Variants in SLC37A1 observed in about 807,000 individuals in gnomAD.
The protein encoded by SLC37A1 is glucose-6-phosphate exchanger SLC37A1.
A neutral mutation model predicts 75.3 loss-of-function variants in SLC37A1; 49 were observed. That is an observed-to-expected ratio of 0.65 (90% CI 0.52 to 0.83). SLC37A1 has a LOEUF of 0.83. SLC37A1 is among the 40% of genes least tolerant of loss of function. SLC37A1 has a pLI of 0.00. For missense variants in SLC37A1, 566 were observed against 695.0 expected, an observed-to-expected ratio of 0.81 and a Z score of 2.09; for synonymous variants, 268 against 292.1, an observed-to-expected ratio of 0.92 and a Z score of 0.84.
intron 2 of SLC37A1, among the ~76,000 whole-genome samples, chr21:42,504,088 T>C (rs987971792): frequency 6.6e-6 from 1 of 152,226 alleles, no homozygotes; most frequent in Non-Finnish European, 1.5e-5. Flanking sequence ...TAAGTGAAGA[T>C]TGTTTCATTT....
chr21:42,566,620 GGA>G (rs2055985138), intron 15 of SLC37A1, among the ~76,000 whole-genome samples: 1 of 152,142 alleles, frequency 6.6e-6, no homozygotes, highest in Admixed American at 6.5e-5. Context: ...TGAGCCTAGA[GGA>G]GAGTTTAGGA....
At position 42,534,808 on chromosome 21, in the gene SLC37A1, C is replaced by T. The variant is rs371414071; in HGVS notation, c.249C>T (p.Thr83=). Residue 83 remains threonine, a synonymous_variant, in exon 4 of 20, where the codon ACC becomes ACT. Coordinates refer to ENST00000352133, the MANE Select transcript of SLC37A1 (RefSeq NM_001320537.2). Reference sequence around the variant, plus strand: ...CCCACCAGCTCCCTGACAATGAGACCGACTGTGGCTGGGCACCGTTTGGTA... The same window carrying T: ...CCCACCAGCTCCCTGACAATGAGACTGACTGTGGCTGGGCACCGTTTGGTA... ...AAPHQLPDNE[T]DCGWAPFDKN... The T allele has an allele frequency of 6.2e-6, 10 of 1,613,718 alleles. No individual in the cohort carries two copies. The highest frequency in any genetic ancestry group is 3.3e-5 in the South Asian group (3 of 91,004).
chr21:42,526,937 A>G (rs2054811142), intron 3 of SLC37A1, among the ~76,000 whole-genome samples: 1 of 152,208 alleles, frequency 6.6e-6, no homozygotes, highest in African/African-American at 2.4e-5. Flanking sequence ...AGTCATTATA[A>G]ATCTGAATAC....
intron 7 of SLC37A1, among the ~76,000 whole-genome samples, 191 bp from the exon 8 acceptor site, chr21:42,543,245 C>T (rs1245356650): frequency 2.0e-5 from 3 of 152,252 alleles, no homozygotes; most frequent in African/African-American, 7.2e-5. Flanking sequence ...GATGGCACAG[C>T]CTGAGGCCAC....
rs1159483169 is a variant in SLC37A1, at chr21:42,545,704, C to T, written c.731-1399C>T. On this transcript the variant is annotated intron_variant, in intron 8 of 19. Coordinates refer to ENST00000352133, the MANE Select transcript of SLC37A1 (RefSeq NM_001320537.2). The surrounding 1 kb of genome is among the most constrained non-coding windows in gnomAD (Gnocchi z 4.0). ...GAAGCCCCTGGCTTACCCCTGGGGG[C>T]ATCACACTGTGAGTGGATACCGATG... Among the ~76,000 whole-genome samples the T allele has an allele frequency of 6.6e-6, 1 of 152,242 alleles. No individual in the cohort carries two copies. Among genetic ancestry groups the T allele is most frequent in the African/African-American group, 2.4e-5 (1 of 41,466 alleles).
In SLC37A1 at chr21:42,518,324, C is replaced by T. The variant is rs536323812; in HGVS notation, c.-131C>T. ...GAAGGGGACAAGACCCAGCAGGACA[C>T]CTTCTTTCCACGCTTTCCAGCCTGT... On this transcript the variant is annotated 5_prime_UTR_variant, in exon 2 of 20. Coordinates refer to ENST00000352133, the MANE Select transcript of SLC37A1 (RefSeq NM_001320537.2). 9.5e-4 allele frequency: 1,108 copies of T among 1,163,032 alleles called. 3 individuals are homozygous for T. Among genetic ancestry groups the T allele is most frequent in the Non-Finnish European group, 7.3e-4 (574 of 786,580 alleles). 72.0% of individuals were successfully genotyped at this position (1,163,032 alleles called of 1,614,324 possible). A position where few individuals can be genotyped will look rare whatever the true frequency, so the allele number is the denominator to read the frequency against.
In SLC37A1 at chr21:42,580,370, C is replaced by G; in HGVS notation, c.*10C>G. Reference sequence around the variant, plus strand: ...ATTTAAGGAACAGTGACACCCCACCCCAGTCCCGTGGAGGGGGTCTGGGCC... The same window carrying G: ...ATTTAAGGAACAGTGACACCCCACCGCAGTCCCGTGGAGGGGGTCTGGGCC... On this transcript the variant is annotated 3_prime_UTR_variant, in exon 20 of 20. Coordinates refer to ENST00000352133, the MANE Select transcript of SLC37A1 (RefSeq NM_001320537.2). 6.2e-7 allele frequency: 1 copy of G among 1,613,148 alleles called. No individual in the cohort carries two copies. Among genetic ancestry groups the G allele is most frequent in the African/African-American group, 1.3e-5 (1 of 75,044 alleles).
chr21:42,506,655 A>C (rs2054386332), intron 2 of SLC37A1, among the ~76,000 whole-genome samples: 1 of 152,186 alleles, frequency 6.6e-6, no homozygotes, highest in Non-Finnish European at 1.5e-5. Flanking sequence ...TCATCCATAC[A>C]TCAACCCCAC....
rs370153238 is a variant in SLC37A1, at chr21:42,515,228, G to A, written c.-179+511G>A. ...TGGAAAGCGCCTTTAAAAGCAAAAA[G>A]CCATAGAAAGAGCACACTCTGGACA... On this transcript the variant is annotated intron_variant, in intron 1 of 19. Coordinates refer to ENST00000352133, the MANE Select transcript of SLC37A1 (RefSeq NM_001320537.2). 9.9e-5 allele frequency among the ~76,000 whole-genome samples: 15 copies of A among 151,936 alleles called. 4 individuals are homozygous for A. The highest frequency in any genetic ancestry group is 1.9e-4 in the East Asian group (1 of 5,184).
At chr21:42,515,366 TAAAAA>T (rs147949583) in intron 1 of SLC37A1, among the ~76,000 whole-genome samples, 1 of 151,396 alleles carries the variant, frequency 6.6e-6, no homozygotes, top group African/African-American at 2.4e-5. Context: ...GAGACCCAGT[TAAAAA>T]AAAATGTCAT....
chr21:42,530,650 A>ACCCCCCCCC (rs1460499515), intron 3 of SLC37A1, among the ~76,000 whole-genome samples: 2 of 25,598 alleles, frequency 7.8e-5, no homozygotes, highest in Non-Finnish European at 1.7e-4. Context: ...ACACACACAC[A>ACCCCCCCCC]CACACCCCCT....
chr21:42,518,480 G>C lies in SLC37A1; in HGVS notation c.26G>C (p.Arg9Pro), dbSNP rs746310930. The change falls in exon 2 of 20, where the codon CGC becomes CCC. Residue 9 changes from arginine (R) to proline (P), a missense_variant. Physicochemically the swap from Arg to Pro is moderately radical, Grantham distance 103. Coordinates refer to ENST00000352133, the MANE Select transcript of SLC37A1 (RefSeq NM_001320537.2). MARLPAGI[R>P]FIISFSRDQW... ...ATGGCTCGACTCCCCGCTGGCATTC[G>C]CTTCATCATCTCATTCTCCAGGGAT... The C allele has an allele frequency of 6.2e-7, 1 of 1,614,128 alleles. No individual in the cohort carries two copies.
At chr21:42,535,317 A>G (rs228056) in intron 4 of SLC37A1, among the ~76,000 whole-genome samples, 155 bp from the exon 5 acceptor site, 122,330 of 152,314 alleles carry the variant, frequency 0.8, 50,098 homozygotes, top group African/African-American at 0.87. Context: ...GAAACTGAAC[A>G]GAAAATGCAC....
rs939649645 is a variant in SLC37A1 at position 42,564,196 on chromosome 21, C to T, written c.1135+319C>T. Among the ~76,000 whole-genome samples the T allele has an allele frequency of 9.1e-5, 10 of 109,314 alleles. 1 individual carries two copies. The highest frequency in any genetic ancestry group is 2.1e-4 in the East Asian group (1 of 4,744). The allele number at this position is 109,314 out of a possible 152,430, so 71.7% of individuals were successfully genotyped here. The stretch of plus-strand genomic sequence containing the variant: ...GGTCTTCTTGTTATGAAGACCAACC[C>T]AGGCAACATAACAAGACCCCTCTCT... On this transcript the variant is annotated intron_variant, in intron 13 of 19. Coordinates refer to ENST00000352133, the MANE Select transcript of SLC37A1 (RefSeq NM_001320537.2).
At chr21:42,508,582 CAA>C (rs1163815886) in intron 2 of SLC37A1, 1 of 152,194 alleles carries the variant, frequency 6.6e-6, no homozygotes, top group African/African-American at 2.4e-5. Context: ...GGCATAAACT[CAA>C]GAGGAATTTA....
intron 16 of SLC37A1, 111 bp from the exon 17 acceptor site, chr21:42,568,249 C>A (rs1460290369): frequency 6.1e-6 from 5 of 815,232 alleles, no homozygotes; most frequent in Non-Finnish European, 6.2e-6. Context: ...TGGGAAACAC[C>A]CTCACGATGA....
intron 10 of SLC37A1, 42 bp downstream of exon 10, chr21:42,554,184 G>A: frequency 1.3e-6 from 2 of 1,581,578 alleles, no homozygotes; most frequent in Non-Finnish European, 1.7e-6. Context: ...TGTCGGAGCT[G>A]CAGGAAAACT....
chr21:42,568,386 C>T lies in SLC37A1; in HGVS notation c.1371C>T (p.Asn457=), dbSNP rs144404838. 799 of 1,614,080 alleles carry T rather than the reference C, an allele frequency of 5.0e-4. 5 individuals carry two copies. In the African/African-American group the frequency reaches 9.1e-3, roughly 18 times the overall value. The change falls in exon 17 of 20, where the codon AAC becomes AAT. Residue 457 remains asparagine (N), a synonymous_variant. Coordinates refer to ENST00000352133, the MANE Select transcript of SLC37A1 (RefSeq NM_001320537.2). ...GGACTCATAAAAGTCTGAAAGGCAACGCGCACGCCCTCTCCACCGTGACGG... is the reference window on the plus strand; with the variant it reads ...GGACTCATAAAAGTCTGAAAGGCAATGCGCACGCCCTCTCCACCGTGACGG... ...DLGTHKSLKG[N]AHALSTVTAI... is the part of the protein sequence containing the mutation.
At chr21:42,554,982 GTTT>G (rs57783969) in intron 10 of SLC37A1, among the ~76,000 whole-genome samples, 34 of 116,594 alleles carry the variant, frequency 2.9e-4, no homozygotes, top group Middle Eastern at 4.7e-3. Context: ...TTGGTTGGTT[GTTT>G]TTTTTTTTTT....
Sources: allele counts gnomAD v4.1 joint callset (sites outside exome capture counted in the v4.1 genomes callset), GRCh38; gene constraint gnomAD v4.1.1; non-coding constraint Gnocchi (gnomAD v3.1); transcripts MANE v1.5; gene names NCBI Gene and HGNC (gene_info 2026-07-23, HGNC 2026-07-21).